The following XPA variants were observed in gnomAD, a reference collection of about 807,000 sequenced individuals.
XPA encodes the protein XPA, DNA damage recognition and repair factor.
A neutral mutation model predicts 35.7 loss-of-function variants in XPA; 27 were observed. The observed-to-expected ratio is 0.76, with a 90% CI of 0.56 to 1.04. The LOEUF (loss-of-function observed/expected upper bound fraction) is 1.04. Ranked by LOEUF, XPA falls within the 50% of genes least tolerant of loss-of-function variation. The probability of loss-of-function intolerance (pLI) is 0.00; values close to 1 mark genes in which losing one functional copy is unlikely to be tolerated. For synonymous variants in XPA, 133 were observed against 118.4 expected (o/e 1.12, Z -0.80); for missense variants, 354 against 342.7 (o/e 1.03, Z -0.26).
At chr9:97,658,799 G>A in the XPA span, 2 of 1,317,706 alleles carry the variant, frequency 1.5e-6, no homozygotes, top group Non-Finnish European at 2.2e-6. Flanking sequence ...AAGTATATCT[G>A]AAGTTAGTTG....
At chr9:97,675,631 A>G (rs1484954758) in intron 5 of XPA, 44 bp from the exon 6 acceptor site, 2 of 1,613,106 alleles carry the variant, frequency 1.2e-6, no homozygotes, top group Non-Finnish European at 8.5e-7. Context: ...GGTGCTATTC[A>G]GGTGAATCCA....
At chr9:97,693,874 C>T (rs1828965404) in intron 1 of XPA, 115 bp from the exon 2 acceptor site, 4 of 944,484 alleles carry the variant, frequency 4.2e-6, no homozygotes, top group Non-Finnish European at 6.6e-6. Context: ...ACAAGGATGT[C>T]CACAATCACT....
At chr9:97,663,477 G>A in the XPA span, among the ~76,000 whole-genome samples, 235 of 152,048 alleles carry the variant, frequency 1.5e-3, 1 homozygote, top group African/African-American at 5.4e-3. Flanking sequence ...ATACGTATTA[G>A]TACCTGAAAT....
At chr9:97,684,808 C>T in intron 5 of XPA, 115 bp downstream of exon 5, 1 of 963,884 alleles carries the variant, frequency 1.0e-6, no homozygotes, top group Middle Eastern at 3.3e-4. Context: ...TTTTTTTCAA[C>T]CTCTAAAAAA....
chr9:97,671,477 A>C, downstream of XPA: 2 of 322,110 alleles, frequency 6.2e-6, no homozygotes, highest in Non-Finnish European at 1.2e-5. Context: ...TCCTTAAGGC[A>C]CAAAATAATT....
the XPA span, chr9:97,655,628 G>T: frequency 8.1e-7 from 1 of 1,234,910 alleles, no homozygotes; most frequent in Non-Finnish European, 1.2e-6. Flanking sequence ...CTGTTTGAAG[G>T]CTTATATAAG....
At chr9:97,659,441 G>A in the XPA span, among the ~76,000 whole-genome samples, 2 of 152,084 alleles carry the variant, frequency 1.3e-5, no homozygotes, top group Non-Finnish European at 2.9e-5. Flanking sequence ...CTCCACCTCT[G>A]TCTCTGACTG....
In XPA at chr9:97,684,919, C is replaced by G; in HGVS notation, c.673+4G>C. On this transcript the variant is annotated splice_donor_region_variant and intron_variant, in intron 5 of 5. Coordinates refer to ENST00000375128, the MANE Select transcript of XPA (RefSeq NM_000380.4). ...CCTTCACGATATAAAATGTGGCCATCTACCTTTTACTTTTTTATCAAATTT... is the reference window on the plus strand; with the variant it reads ...CCTTCACGATATAAAATGTGGCCATGTACCTTTTACTTTTTTATCAAATTT... The G allele has an allele frequency of 6.2e-7, 1 of 1,610,726 alleles. No homozygotes were observed. The highest frequency in any genetic ancestry group is 8.5e-7 in the Non-Finnish European group (1 of 1,177,250).
intron 4 of XPA, among the ~76,000 whole-genome samples, chr9:97,685,841 TGCA>T (rs1178983833): frequency 6.6e-6 from 1 of 152,216 alleles, no homozygotes; most frequent in Non-Finnish European, 1.5e-5. Flanking sequence ...CAAAAAGTGG[TGCA>T]GAAGAATTGG....
chr9:97,668,766 A>G, the XPA span: 3 of 1,476,306 alleles, frequency 2.0e-6, no homozygotes, highest in Non-Finnish European at 1.8e-6. Flanking sequence ...GGCCAGACAC[A>G]GTAAAATGCT....
chr9:97,675,712 G>GT, intron 5 of XPA, 125 bp from the exon 6 acceptor site: 1 of 1,179,442 alleles, frequency 8.5e-7, no homozygotes, highest in Non-Finnish European at 1.2e-6. Flanking sequence ...ACCATATATA[G>GT]TTTACCTTAA....
At chr9:97,687,820 G>A (rs1002946839) in intron 3 of XPA, among the ~76,000 whole-genome samples, 1 of 152,136 alleles carries the variant, frequency 6.6e-6, no homozygotes, top group African/African-American at 2.4e-5. Flanking sequence ...ATGAGATGCC[G>A]ATGAATTCAG....
chr9:97,660,108 T>G, the XPA span, among the ~76,000 whole-genome samples: 2 of 152,248 alleles, frequency 1.3e-5, no homozygotes, highest in Non-Finnish European at 2.9e-5. Context: ...GTTCCCCAGC[T>G]AGAATGTAGA....
the XPA span, among the ~76,000 whole-genome samples, chr9:97,658,961 T>C: frequency 6.6e-6 from 1 of 152,264 alleles, no homozygotes; most frequent in Non-Finnish European, 1.5e-5. Context: ...CTTATCATTT[T>C]TTCTCTTTTG....
At chr9:97,654,813 A>G in the XPA span, 40 of 1,303,974 alleles carry the variant, frequency 3.1e-5, no homozygotes, top group African/African-American at 4.4e-5. Context: ...TTTTATTTCT[A>G]TTCTTGTCTA....
intron 1 of XPA, among the ~76,000 whole-genome samples, chr9:97,696,427 G>A (rs1224196546): frequency 6.6e-6 from 1 of 152,288 alleles, no homozygotes; most frequent in Middle Eastern, 3.4e-3. Context: ...AACACGTTTT[G>A]AGCAACTAGT....
At chr9:97,656,069 C>A in the XPA span, 1 of 1,613,690 alleles carries the variant, frequency 6.2e-7, no homozygotes, top group South Asian at 1.1e-5. Flanking sequence ...AAGAGAAGTT[C>A]TAGAAAAATG....
chr9:97,665,291 C>G, the XPA span, among the ~76,000 whole-genome samples: 6,228 of 152,298 alleles, frequency 0.041, 451 homozygotes, highest in African/African-American at 0.14. Flanking sequence ...GAAAACTAAC[C>G]ACCCGAGTAT....
chr9:97,656,496 A>G, the XPA span, among the ~76,000 whole-genome samples: 185 of 152,236 alleles, frequency 1.2e-3, no homozygotes, highest in Non-Finnish European at 2.0e-3. Flanking sequence ...GAGTCCTTTG[A>G]GCCAAGATGG....
Sources: allele counts gnomAD v4.1 joint callset (sites outside exome capture counted in the v4.1 genomes callset), GRCh38; gene constraint gnomAD v4.1.1; transcripts MANE v1.5; gene names NCBI Gene and HGNC (gene_info 2026-07-23, HGNC 2026-07-21).